Variants in MOG observed in about 807,000 individuals in gnomAD.
The protein encoded by MOG is myelin-oligodendrocyte glycoprotein.
In MOG, 20 loss-of-function variants were observed where a neutral mutation model predicts 35.9. The observed-to-expected ratio is 0.56, with a 90% CI of 0.39 to 0.81. MOG has a LOEUF of 0.81. Among genes scored for constraint, MOG ranks in the 30% least tolerant of loss-of-function variants. The pLI is 0.00. For synonymous variants in MOG, 92 were observed against 114.3 expected (o/e 0.80, Z 1.25); for missense variants, 251 against 301.0 (o/e 0.83, Z 1.23).
intron 2 of MOG, among the ~76,000 whole-genome samples, chr6:29,665,937 T>C (rs1421108811): frequency 6.6e-6 from 1 of 152,114 alleles, no homozygotes; most frequent in East Asian, 1.9e-4. Flanking sequence ...CAATCTTGAC[T>C]TTAAACCACT....
Position 29,659,745 on chromosome 6 carries a change from C to T in MOG, c.436+79C>T, listed in dbSNP as rs547574783. Reference sequence around the variant, plus strand: ...TATTCTCTCAACTGAGATGAGATCCCTCAACCCAAACATCTCAGTCCTGGG... The same window carrying T: ...TATTCTCTCAACTGAGATGAGATCCTTCAACCCAAACATCTCAGTCCTGGG... On this transcript the variant is annotated intron_variant, in intron 2 of 7. Transcript: ENST00000376917. 8.9e-4 allele frequency: 1,042 copies of T among 1,169,884 alleles called. 2 individuals carry two copies. Among genetic ancestry groups the T allele is most frequent in the Non-Finnish European group, 1.2e-3 (969 of 797,570 alleles). The allele number at this position is 1,169,884 out of a possible 1,614,324, so 72.5% of individuals were successfully genotyped here. A position where few individuals can be genotyped will look rare whatever the true frequency, so the allele number is the denominator to read the frequency against.
intron 5 of MOG, among the ~76,000 whole-genome samples, chr6:29,669,699 C>T (rs775836945): frequency 1.2e-4 from 18 of 152,298 alleles, no homozygotes; most frequent in Non-Finnish European, 2.1e-4. Context: ...GTAATTAAGT[C>T]ACAGGTACTG....
rs1270527270 is a variant in MOG at position 29,670,080 on chromosome 6, T to G, written c.593-201T>G. ...CACCACACCTGGCAGTTGTTACATTTTTAATGAAAGAAAATGTTAAATCCA... is the reference window on the plus strand; with the variant it reads ...CACCACACCTGGCAGTTGTTACATTGTTAATGAAAGAAAATGTTAAATCCA... On this transcript the variant is annotated intron_variant, in intron 5 of 7. Coordinates refer to ENST00000376917, the MANE Select transcript of MOG (RefSeq NM_206809.4). The surrounding 1 kb of genome is among the most constrained non-coding windows in gnomAD (Gnocchi z 4.2). 4 of 948,930 alleles carry G rather than the reference T, an allele frequency of 4.2e-6. No individual in the cohort carries two copies. Among genetic ancestry groups the G allele is most frequent in the Non-Finnish European group, 6.7e-6 (4 of 593,756 alleles). 58.8% of individuals were successfully genotyped at this position (948,930 alleles called of 1,614,324 possible).
chr6:29,662,483 CA>C lies in MOG; in HGVS notation c.436+2829del, dbSNP rs9280631. Among the ~76,000 whole-genome samples the C allele has an allele frequency of 2.6e-3, 361 of 140,046 alleles. No homozygotes were observed. Among genetic ancestry groups the C allele is most frequent in the Middle Eastern group, 0.014 (4 of 286 alleles). The allele number at this position is 140,046 out of a possible 152,430, so 91.9% of individuals were successfully genotyped here. A position where few individuals can be genotyped will look rare whatever the true frequency, so the allele number is the denominator to read the frequency against. On this transcript the variant is annotated intron_variant, in intron 2 of 7. Coordinates refer to ENST00000376917, the MANE Select transcript of MOG (RefSeq NM_206809.4). This position sits in a 1 kb window ranked among gnomAD's most constrained non-coding sequence, Gnocchi z 4.2. ...GGGCAACAAGAGCAAAACTCTGTCT[CA>C]AAAAAAAAAAACCACATACAAACCA...
chr6:29,659,608 C>G lies in MOG; in HGVS notation c.378C>G (p.Thr126=), dbSNP rs752099742. The G allele has an allele frequency of 1.9e-6, 3 of 1,613,098 alleles. No individual in the cohort carries two copies. The highest frequency in any genetic ancestry group is 2.2e-5 in the South Asian group (2 of 91,084). Residue 126 remains threonine, a synonymous_variant, in exon 2 of 8, where the codon ACC becomes ACG. Transcript: ENST00000376917. Reference sequence around the variant, plus strand: ...GGTTCTCAGATGAAGGAGGTTTCACCTGCTTCTTCCGAGATCATTCTTACC... The same window carrying G: ...GGTTCTCAGATGAAGGAGGTTTCACGTGCTTCTTCCGAGATCATTCTTACC... The part of the protein sequence containing the change: ...NVRFSDEGGF[T]CFFRDHSYQE...
intron 1 of MOG, among the ~76,000 whole-genome samples, chr6:29,657,711 A>C (rs1273974102): frequency 7.8e-6 from 1 of 128,236 alleles, no homozygotes. Flanking sequence ...GGGGTTTCAC[A>C]TGTTGGCCAG....
At chr6:29,671,036 C>T (rs934496183) in intron 7 of MOG, 136 bp from the exon 8 acceptor site, 2 of 1,611,782 alleles carry the variant, frequency 1.2e-6, no homozygotes, top group African/African-American at 2.7e-5. Context: ...CTGCCCAGTG[C>T]CTCACCTCTC....
At chr6:29,669,514 C>T (rs1245836085) in intron 5 of MOG, among the ~76,000 whole-genome samples, 1 of 151,782 alleles carries the variant, frequency 6.6e-6, no homozygotes, top group Admixed American at 6.6e-5. Flanking sequence ...TGGTCTTGAA[C>T]CCCTGACCTC....
At chr6:29,660,559 A>AGT (rs1768393581) in intron 2 of MOG, among the ~76,000 whole-genome samples, 1 of 96,210 alleles carries the variant, frequency 1.0e-5, no homozygotes, top group South Asian at 4.6e-4. Flanking sequence ...TGTATTTGTG[A>AGT]GCGCACACAC....
At chr6:29,667,579 T>C in intron 3 of MOG, 64 bp from the exon 4 acceptor site, 2 of 1,576,850 alleles carry the variant, frequency 1.3e-6, no homozygotes, top group Non-Finnish European at 1.7e-6. Flanking sequence ...GCGCTGGGTG[T>C]GGGAGGGTCC....
rs145219013 is a variant in MOG at position 29,670,030 on chromosome 6, G to A, written c.593-251G>A. 1,182 of 729,486 alleles carry A rather than the reference G, an allele frequency of 1.6e-3. 10 individuals carry two copies. Among genetic ancestry groups the A allele is most frequent in the Middle Eastern group, 0.013 (37 of 2,772 alleles). The allele number at this position is 729,486 out of a possible 1,614,324, so 45.2% of individuals were successfully genotyped here. ...ATGATCCACCCGTCTCGGACTCCCA[G>A]AGTGTTGGGATTACAGGCATGAGCC... On this transcript the variant is annotated intron_variant, in intron 5 of 7. Coordinates refer to ENST00000376917, the MANE Select transcript of MOG (RefSeq NM_206809.4). This position sits in a 1 kb window ranked among gnomAD's most constrained non-coding sequence, Gnocchi z 4.2.
chr6:29,669,310 TTTTTTTTGAGATGAAG>T lies in MOG; in HGVS notation c.593-957_593-942del, dbSNP rs571291639. ...TTTCTTTCTTTCTTTCTTTCTTTCT[TTTTTTTTGAGATGAAG>T]TTTTTTTGAGATGGAGTGCAATGGC... is the stretch of plus-strand genomic sequence containing the variant. On this transcript the variant is annotated intron_variant, in intron 5 of 7. Transcript: ENST00000376917. 2.0e-3 allele frequency among the ~76,000 whole-genome samples: 304 copies of T among 151,178 alleles called. 1 individual carries two copies. Among genetic ancestry groups the T allele is most frequent in the Middle Eastern group, 0.014 (4 of 292 alleles).
intron 2 of MOG, among the ~76,000 whole-genome samples, chr6:29,663,132 G>C (rs1377307493): frequency 1.3e-5 from 2 of 151,794 alleles, no homozygotes; most frequent in South Asian, 2.1e-4. Context: ...AATTAGCCTG[G>C]CGTGGTGGCA....
At chr6:29,669,746 T>G (rs890105270) in intron 5 of MOG, among the ~76,000 whole-genome samples, 2 of 151,556 alleles carry the variant, frequency 1.3e-5, no homozygotes, top group African/African-American at 2.4e-5. Flanking sequence ...TTTTGGTTTG[T>G]TTTGTTTTTT....
In MOG at chr6:29,667,649, T is replaced by G; in HGVS notation, c.557T>G (p.Leu186Arg). Residue 186 changes from leucine to arginine, a missense_variant, in exon 4 of 8, where the codon CTT becomes CGT. Transcript: ENST00000376917. ...TTGCCTTTTTCTATTTTAGGAAAAC[T>G]TCGAGCAGAGATAGGTGAGTTCCAG... The part of the protein sequence containing the change: ...LCLQYRLRGK[L>R]RAEIENLHRT... 3 of 1,614,008 alleles carry G rather than the reference T, an allele frequency of 1.9e-6. No homozygotes were observed. The highest frequency in any genetic ancestry group is 2.5e-6 in the Non-Finnish European group (3 of 1,180,016).
rs1769139556 is a variant in MOG at position 29,662,784 on chromosome 6, A to G, written c.436+3118A>G. Among the ~76,000 whole-genome samples the G allele has an allele frequency of 6.6e-6, 1 of 151,940 alleles. No individual in the cohort carries two copies. The highest frequency in any genetic ancestry group is 2.4e-5 in the African/African-American group (1 of 41,374). On this transcript the variant is annotated intron_variant, in intron 2 of 7. Transcript: ENST00000376917. This position sits in a 1 kb window ranked among gnomAD's most constrained non-coding sequence, Gnocchi z 4.2. ...AGAAGCCATCCTCCCACCTCAGCCT[A>G]CATAGTAGCTGGGACCACAGGCACA...
intron 2 of MOG, among the ~76,000 whole-genome samples, chr6:29,663,766 G>A (rs923311035): frequency 1.3e-5 from 2 of 152,122 alleles, no homozygotes; most frequent in Admixed American, 6.5e-5. Flanking sequence ...GTACATACTC[G>A]CTAAATCACA....
intron 3 of MOG, among the ~76,000 whole-genome samples, 192 bp from the exon 4 acceptor site, chr6:29,667,451 T>C (rs1770461761): frequency 6.6e-6 from 1 of 152,146 alleles, no homozygotes; most frequent in Admixed American, 6.5e-5. Context: ...TATTCGCTAT[T>C]GTATCTAGAC....
chr6:29,664,014 C>A, intron 2 of MOG: 1 of 469,360 alleles, frequency 2.1e-6, no homozygotes, highest in Non-Finnish European at 2.8e-6. Flanking sequence ...TCAGCTGCAG[C>A]ATGGCACATG....
Sources: gnomAD v4.1 joint callset for allele counts (sites outside exome capture counted in the v4.1 genomes callset) on GRCh38, gnomAD v4.1.1 for gene constraint, Gnocchi (gnomAD v3.1) non-coding constraint, MANE v1.5 for transcripts, NCBI Gene and HGNC (gene_info 2026-07-23, HGNC 2026-07-21) for gene names.